CYP19A1: variants seen among roughly 807,000 people sequenced by gnomAD.
CYP19A1 encodes aromatase.
In CYP19A1, 32 loss-of-function variants were observed where a neutral mutation model predicts 44.4. The ratio of observed to expected loss-of-function variants is 0.72; its 90% confidence interval spans 0.54 to 0.97. The LOEUF is 0.97. Among genes scored for constraint, CYP19A1 ranks in the 50% least tolerant of loss-of-function variants. The pLI, the probability that CYP19A1 is intolerant of heterozygous loss-of-function variation, is 0.00. For missense variants in CYP19A1, 598 were observed against 637.8 expected, an observed-to-expected ratio of 0.94 and a Z score of 0.67; for synonymous variants, 212 against 215.6, an observed-to-expected ratio of 0.98 and a Z score of 0.14.
chr15:51,282,967 T>C (rs925650084), intron 1 of CYP19A1, among the ~76,000 whole-genome samples: 2 of 152,242 alleles, frequency 1.3e-5, no homozygotes, highest in African/African-American at 4.8e-5. Flanking sequence ...GTTTTGCCCA[T>C]GGTTCCTGGA....
At chr15:51,267,492 G>A (rs1474428625) in intron 1 of CYP19A1, among the ~76,000 whole-genome samples, 1 of 152,192 alleles carries the variant, frequency 6.6e-6, no homozygotes, top group South Asian at 2.1e-4. Context: ...GCGACCCAGC[G>A]TGGCGGCGAG....
chr15:51,277,386 A>G (rs2035350796), intron 1 of CYP19A1: 1 of 152,228 alleles, frequency 6.6e-6, no homozygotes, highest in Non-Finnish European at 1.5e-5. Context: ...ATCCCTGGGT[A>G]CCTGAAAAAA....
chr15:51,213,456 A>T (rs2031237066), intron 8 of CYP19A1, among the ~76,000 whole-genome samples: 2 of 152,308 alleles, frequency 1.3e-5, no homozygotes, highest in South Asian at 4.1e-4. Flanking sequence ...TAGTTTGGTC[A>T]GAGTCTTCTC....
chr15:51,292,713 CA>C (rs2035875398), intron 1 of CYP19A1, among the ~76,000 whole-genome samples: 3 of 152,190 alleles, frequency 2.0e-5, no homozygotes. Flanking sequence ...CCAGATGGGC[CA>C]CCTTTTCCTC....
chr15:51,313,308 G>A (rs765927826), intron 1 of CYP19A1: 1 of 152,226 alleles, frequency 6.6e-6, no homozygotes, highest in African/African-American at 2.4e-5. Flanking sequence ...CTGAATCAAA[G>A]CTGAGTAGTC....
intron 1 of CYP19A1, among the ~76,000 whole-genome samples, chr15:51,248,339 A>G (rs1329844795): frequency 6.6e-6 from 1 of 152,220 alleles, no homozygotes; most frequent in Non-Finnish European, 1.5e-5. Context: ...TCACGGAGCT[A>G]CACACTGGGA....
chr15:51,292,885 C>CA (rs2035880649), intron 1 of CYP19A1, among the ~76,000 whole-genome samples: 1 of 151,782 alleles, frequency 6.6e-6, no homozygotes, highest in African/African-American at 2.4e-5. Flanking sequence ...AGGTCTGGTC[C>CA]CCAAACACCA....
rs77251805 is a variant in CYP19A1, at chr15:51,325,655, C to T, written c.-39+12840G>A. On this transcript the variant is annotated intron_variant, in intron 1 of 9. Coordinates refer to ENST00000396402, the MANE Select transcript of CYP19A1 (RefSeq NM_000103.4). ...TAGATCAAGACCATCCTGGCTAACA[C>T]GGTGAAACCCCGTCTCTACTAAAAA... Among the ~76,000 whole-genome samples, 48 of 151,938 alleles carry T rather than the reference C, an allele frequency of 3.2e-4. No individual in the cohort carries two copies. In the East Asian group the frequency reaches 5.0e-3, roughly 16 times the overall value.
At chr15:51,232,327 G>C (rs553425099) in intron 3 of CYP19A1, among the ~76,000 whole-genome samples, 1 of 152,212 alleles carries the variant, frequency 6.6e-6, no homozygotes, top group South Asian at 2.1e-4. Flanking sequence ...AGTGGTATTT[G>C]ACATGGTTCA....
intron 1 of CYP19A1, among the ~76,000 whole-genome samples, chr15:51,322,950 C>T (rs1213529483): frequency 6.6e-6 from 1 of 151,410 alleles, no homozygotes; most frequent in Non-Finnish European, 1.5e-5. Flanking sequence ...ATGCTGCTAA[C>T]ACAGAGCTTC....
At chr15:51,327,982 A>G (rs2036638824) in intron 1 of CYP19A1, among the ~76,000 whole-genome samples, 1 of 152,216 alleles carries the variant, frequency 6.6e-6, no homozygotes, top group Non-Finnish European at 1.5e-5. Flanking sequence ...AATCTTGTAC[A>G]TGACTACACT....
chr15:51,284,834 C>G (rs1390063322), intron 1 of CYP19A1, among the ~76,000 whole-genome samples: 1 of 152,204 alleles, frequency 6.6e-6, no homozygotes, highest in Non-Finnish European at 1.5e-5. Context: ...GCTTGTGTCT[C>G]TCCAGGTGAC....
intron 1 of CYP19A1, among the ~76,000 whole-genome samples, chr15:51,319,797 C>T (rs976813244): frequency 3.3e-5 from 5 of 152,188 alleles, no homozygotes; most frequent in African/African-American, 4.8e-5. Flanking sequence ...CAGTGGCAGA[C>T]GTCAGGCTGG....
At chr15:51,321,307 A>G (rs2036523943) in intron 1 of CYP19A1, among the ~76,000 whole-genome samples, 1 of 152,044 alleles carries the variant, frequency 6.6e-6, no homozygotes, top group South Asian at 2.1e-4. Context: ...CCATGCCCCT[A>G]GATCCCCCAT....
Position 51,210,989 on chromosome 15 carries a change from A to T in CYP19A1, c.1331T>A (p.Met444Lys). ...AACGAGGATGGCTTTCATCATCACCATGGCGATGTACTTTCCTGCACAGCC... is the reference window on the plus strand; with the variant it reads ...AACGAGGATGGCTTTCATCATCACCTTGGCGATGTACTTTCCTGCACAGCC... ...PRGCAGKYIA[M>K]VMMKAILVTL... Residue 444 changes from methionine (M) to lysine (K), a missense_variant, in exon 10 of 10, where the codon ATG (methionine) becomes AAG (lysine). Transcript: ENST00000396402. 1 of 1,595,728 alleles carries T rather than the reference A, an allele frequency of 6.3e-7. No individual in the cohort carries two copies. The highest frequency in any genetic ancestry group is 8.6e-7 in the Non-Finnish European group (1 of 1,163,156).
chr15:51,263,204 A>C (rs1413284925), intron 1 of CYP19A1, among the ~76,000 whole-genome samples: 1 of 152,192 alleles, frequency 6.6e-6, no homozygotes, highest in Non-Finnish European at 1.5e-5. Context: ...AAAAACCCCT[A>C]TTTTATCACT....
chr15:51,280,787 G>A (rs1368743880), intron 1 of CYP19A1, among the ~76,000 whole-genome samples: 1 of 152,188 alleles, frequency 6.6e-6, no homozygotes, highest in African/African-American at 2.4e-5. Context: ...AACGAATGTA[G>A]TCCAGTGTCA....
intron 9 of CYP19A1, among the ~76,000 whole-genome samples, chr15:51,211,450 G>A (rs1030120737): frequency 2.6e-5 from 4 of 152,228 alleles, no homozygotes; most frequent in African/African-American, 2.4e-5. Context: ...AAGCAAGGAT[G>A]TAGATTCCTG....
Position 51,222,446 on chromosome 15 carries a change from C to T in CYP19A1, c.531G>A (p.Glu177=), listed in dbSNP as rs746435102. 1 of 1,614,154 alleles carries T rather than the reference C, an allele frequency of 6.2e-7. No homozygotes were observed. Among genetic ancestry groups the T allele is most frequent in the East Asian group, 2.2e-5 (1 of 44,868 alleles). Reference sequence around the variant, plus strand: ...CCACATAGCCCGATTCATTGGTCACCTCCTCCAACCTGTCCAGATGTGTTT... The same window carrying T: ...CCACATAGCCCGATTCATTGGTCACTTCCTCCAACCTGTCCAGATGTGTTT... ...SLKTHLDRLE[E]VTNESGYVDV... The change falls in exon 5 of 10, where the codon GAG becomes GAA. Residue 177 remains glutamate (E), a synonymous_variant. Transcript: ENST00000396402.
Sources: gnomAD v4.1 joint callset for allele counts (sites outside exome capture counted in the v4.1 genomes callset) on GRCh38, gnomAD v4.1.1 for gene constraint, MANE v1.5 for transcripts, NCBI Gene and HGNC (gene_info 2026-07-23, HGNC 2026-07-21) for gene names.